Variants in UGGT2 observed in about 807,000 individuals in gnomAD.
The protein encoded by UGGT2 is UDP-glucose:glycoprotein glucosyltransferase 2.
Under a neutral mutation model 192.1 loss-of-function variants are expected in UGGT2, and 180 were observed. The observed-to-expected ratio is 0.94, with a 90% CI of 0.83 to 1.06. The LOEUF is 1.06. Ranked by LOEUF, UGGT2 falls within the 50% of genes least tolerant of loss-of-function variation. The pLI, the probability that UGGT2 is intolerant of heterozygous loss-of-function variation, is 0.00. For synonymous variants in UGGT2, 580 were observed against 591.0 expected (o/e 0.98, Z 0.27); for missense variants, 1,849 against 1,795.7 (o/e 1.03, Z -0.54).
At position 96,023,266 on chromosome 13, in the gene UGGT2, C is replaced by T. The variant is rs1038921461; in HGVS notation, c.373-114G>A. On this transcript the variant is annotated intron_variant, in intron 3 of 38. Transcript: ENST00000376747. ...CTCATCAACTACTATTAAGTTATTG[C>T]TCTAATTAAAGTAAAAAAACATCTA... is the stretch of plus-strand genomic sequence containing the variant. 3.5e-5 allele frequency: 29 copies of T among 822,484 alleles called. No homozygotes were observed. The Admixed American group carries it at 4.2e-4, about 12-fold the overall frequency. The allele number at this position is 822,484 out of a possible 1,614,324, so 50.9% of individuals were successfully genotyped here.
chr13:95,944,505 G>A (rs932449105), intron 15 of UGGT2, among the ~76,000 whole-genome samples: 2 of 151,952 alleles, frequency 1.3e-5, no homozygotes, highest in Non-Finnish European at 2.9e-5. Context: ...CTGAGCCCAG[G>A]CCTTAAGAGT....
intron 12 of UGGT2, among the ~76,000 whole-genome samples, chr13:95,960,987 G>T (rs1490072506): frequency 6.6e-6 from 1 of 152,148 alleles, no homozygotes; most frequent in Admixed American, 6.5e-5. Flanking sequence ...ACAAGCAAAA[G>T]CTGAGGGAAT....
At chr13:95,826,881 A>C (rs1886102748) in intron 38 of UGGT2, among the ~76,000 whole-genome samples, 1 of 152,086 alleles carries the variant, frequency 6.6e-6, no homozygotes, top group Non-Finnish European at 1.5e-5. Flanking sequence ...ACAAGAATAC[A>C]CAGAAAAACA....
chr13:95,929,883 C>T (rs139500488), intron 17 of UGGT2, among the ~76,000 whole-genome samples: 1 of 152,298 alleles, frequency 6.6e-6, no homozygotes, highest in African/African-American at 2.4e-5. Context: ...AGGGGCTGAA[C>T]TAATTTACAT....
intron 9 of UGGT2, chr13:95,985,279 T>A: frequency 7.8e-7 from 1 of 1,286,250 alleles, no homozygotes; most frequent in Non-Finnish European, 1.0e-6. Flanking sequence ...TGACGACTTC[T>A]CAAATTCTTG....
intron 20 of UGGT2, among the ~76,000 whole-genome samples, 197 bp downstream of exon 20, chr13:95,925,483 C>T (rs2048988758): frequency 2.0e-5 from 3 of 152,062 alleles, no homozygotes; most frequent in South Asian, 2.1e-4. Flanking sequence ...ATATATGTCA[C>T]GAGTCATAGA....
intron 4 of UGGT2, among the ~76,000 whole-genome samples, chr13:96,022,421 T>A (rs1160516987): frequency 7.9e-5 from 12 of 151,974 alleles, no homozygotes. Context: ...TGAAATTCAA[T>A]ACAAGTATAA....
intron 11 of UGGT2, 133 bp downstream of exon 11, chr13:95,972,447 A>G: frequency 1.2e-6 from 1 of 815,820 alleles, no homozygotes; most frequent in South Asian, 1.9e-5. Context: ...TGGTAGAAGA[A>G]AGCTGTTTTG....
chr13:95,812,964 T>C (rs1424942735), intron 38 of UGGT2, among the ~76,000 whole-genome samples: 1 of 152,174 alleles, frequency 6.6e-6, no homozygotes, highest in Non-Finnish European at 1.5e-5. Context: ...TTGTATAGTA[T>C]GTGAATTATA....
chr13:95,919,492 T>C (rs1363230163), intron 20 of UGGT2, among the ~76,000 whole-genome samples: 1 of 152,214 alleles, frequency 6.6e-6, no homozygotes, highest in East Asian at 1.9e-4. Flanking sequence ...CAAAAGCTTC[T>C]TAAGCTGATA....
In UGGT2 at chr13:95,990,079, T is replaced by C; in HGVS notation, c.831-6A>G. On this transcript the variant is annotated splice_region_variant and splice_polypyrimidine_tract_variant and intron_variant, in intron 7 of 38. Transcript: ENST00000376747. ...TAAGATCTGAATATATTTCTCTGCA[T>C]CAAAATATTAAGTGATGTTAAGTAG... 6.3e-7 allele frequency: 1 copy of C among 1,579,358 alleles called. No individual in the cohort carries two copies. The highest frequency in any genetic ancestry group is 8.6e-7 in the Non-Finnish European group (1 of 1,159,172).
In UGGT2 at chr13:95,948,009, C is replaced by T. The variant is rs768401379; in HGVS notation, c.1528G>A (p.Glu510Lys). 1.2e-5 allele frequency: 19 copies of T among 1,612,126 alleles called. No homozygotes were observed. The highest frequency in any genetic ancestry group is 4.5e-5 in the East Asian group (2 of 44,746). The part of the protein sequence containing the change: ...IKLADVFYSH[E>K]VPLRIGFVFI... ...AATGACAATTACCTAAGAGGAACTT[C>T]GTGAGAATAGAAAACATCAGCAAGT... is the stretch of plus-strand genomic sequence containing the variant. The change falls in exon 14 of 39, where the codon GAA (glutamate) becomes AAA (lysine). Residue 510 changes from glutamate (E) to lysine (K), a missense_variant. Coordinates refer to ENST00000376747, the MANE Select transcript of UGGT2 (RefSeq NM_020121.4).
At chr13:95,933,261 C>G (rs2049348215) in intron 17 of UGGT2, among the ~76,000 whole-genome samples, 1 of 152,142 alleles carries the variant, frequency 6.6e-6, no homozygotes, top group Non-Finnish European at 1.5e-5. Context: ...AATTATGGAA[C>G]TCAGTATCAG....
chr13:95,914,267 T>C (rs1038484074), intron 20 of UGGT2, among the ~76,000 whole-genome samples: 1 of 149,292 alleles, frequency 6.7e-6, no homozygotes, highest in African/African-American at 2.5e-5. Flanking sequence ...AAGAAGGCAA[T>C]GAGATGATAT....
chr13:95,877,248 T>G, intron 29 of UGGT2, 31 bp downstream of exon 29: 2 of 1,514,704 alleles, frequency 1.3e-6, no homozygotes, highest in Non-Finnish European at 1.8e-6. Flanking sequence ...TATTTATGTG[T>G]AAAAATTTAA....
At chr13:95,890,588 AG>A (rs558968958) in intron 25 of UGGT2, among the ~76,000 whole-genome samples, 9 of 152,256 alleles carry the variant, frequency 5.9e-5, no homozygotes, top group African/African-American at 2.2e-4. Flanking sequence ...TCACATTGGG[AG>A]TTAGGGCTTA....
intron 36 of UGGT2, among the ~76,000 whole-genome samples, chr13:95,843,597 A>G (rs1315285312): frequency 1.3e-5 from 2 of 152,094 alleles, no homozygotes; most frequent in South Asian, 2.1e-4. Context: ...AACATTTTAT[A>G]TTGTACCTTT....
intron 1 of UGGT2, among the ~76,000 whole-genome samples, chr13:96,046,901 G>C (rs1378938300): frequency 6.6e-6 from 1 of 152,196 alleles, no homozygotes; most frequent in Non-Finnish European, 1.5e-5. Flanking sequence ...CCAACCGCAA[G>C]GCAGCAGTGA....
chr13:95,807,830 G>A (rs1475263427), intron 38 of UGGT2, among the ~76,000 whole-genome samples: 1 of 151,266 alleles, frequency 6.6e-6, no homozygotes, highest in East Asian at 1.9e-4. Flanking sequence ...TCTCCAGCAG[G>A]AATGTATTGC....
Sources: gnomAD v4.1 joint callset for allele counts (sites outside exome capture counted in the v4.1 genomes callset) on GRCh38, gnomAD v4.1.1 for gene constraint, MANE v1.5 for transcripts, NCBI Gene and HGNC (gene_info 2026-07-23, HGNC 2026-07-21) for gene names.